BBS9: variants seen among roughly 807,000 people sequenced by gnomAD.
The protein encoded by BBS9 is Bardet-Biedl syndrome 9, also known as protein PTHB1.
BBS9 carries 89 observed loss-of-function variants against 117.7 expected under a neutral mutation model. The ratio of observed to expected loss-of-function variants is 0.76; its 90% CI spans 0.64 to 0.90. The LOEUF is 0.90. Among genes scored for constraint, BBS9 ranks in the 40% least tolerant of loss-of-function variants. The probability of loss-of-function intolerance (pLI) is 0.00; values close to 1 mark genes in which losing one functional copy is unlikely to be tolerated. For synonymous variants in BBS9, 379 were observed against 370.9 expected, an observed-to-expected ratio of 1.02 and a Z score of -0.25; for missense variants, 982 against 1,042.2, an observed-to-expected ratio of 0.94 and a Z score of 0.80.
At chr7:33,154,612 C>T (rs1192665017) in intron 3 of BBS9, among the ~76,000 whole-genome samples, 2 of 152,020 alleles carry the variant, frequency 1.3e-5, no homozygotes, top group Non-Finnish European at 2.9e-5. Context: ...ACTACAGGCA[C>T]GTGCCACCAT....
intron 21 of BBS9, among the ~76,000 whole-genome samples, chr7:33,611,082 C>T (rs1224598382): frequency 6.6e-6 from 1 of 151,940 alleles, no homozygotes; most frequent in African/African-American, 2.4e-5. Context: ...TTCATTGGCT[C>T]CAGGATCATC....
At chr7:33,401,971 T>C (rs1442126738) in intron 19 of BBS9, among the ~76,000 whole-genome samples, 3 of 152,170 alleles carry the variant, frequency 2.0e-5, no homozygotes, top group Admixed American at 1.3e-4. Flanking sequence ...AAGTAAGTCA[T>C]GTTATATAGA....
intron 5 of BBS9, among the ~76,000 whole-genome samples, chr7:33,219,977 G>C (rs1789919580): frequency 6.6e-6 from 1 of 152,156 alleles, no homozygotes; most frequent in African/African-American, 2.4e-5. Context: ...GAACCCACCA[G>C]AAGGAAGAAA....
chr7:33,342,843 G>A (rs536868330), intron 11 of BBS9, among the ~76,000 whole-genome samples: 1 of 152,238 alleles, frequency 6.6e-6, no homozygotes, highest in African/African-American at 2.4e-5. Context: ...TTCTAGATCT[G>A]TGGATAGCTA....
intron 21 of BBS9, among the ~76,000 whole-genome samples, chr7:33,626,599 T>G (rs1005964348): frequency 2.6e-5 from 4 of 152,162 alleles, no homozygotes; most frequent in African/African-American, 9.7e-5. Context: ...TGGTCTCAGA[T>G]AGAGGTGAGG....
chr7:33,502,159 C>T (rs1399328549), intron 19 of BBS9, among the ~76,000 whole-genome samples: 2 of 152,136 alleles, frequency 1.3e-5, no homozygotes, highest in African/African-American at 2.4e-5. Context: ...CTGCCCGCCT[C>T]GGCCTCCCAA....
At chr7:33,392,803 A>G (rs1305558023) in intron 19 of BBS9, among the ~76,000 whole-genome samples, 1 of 152,194 alleles carries the variant, frequency 6.6e-6, no homozygotes, top group African/African-American at 2.4e-5. Context: ...ACTCATAAGC[A>G]GTTGTAGTCT....
intron 19 of BBS9, among the ~76,000 whole-genome samples, chr7:33,465,342 A>G (rs1315678386): frequency 6.6e-6 from 1 of 151,498 alleles, no homozygotes; most frequent in African/African-American, 2.4e-5. Flanking sequence ...CCCAATGCAG[A>G]TCTCTTCTTG....
chr7:33,616,493 G>GTGTA (rs375605829), intron 21 of BBS9, among the ~76,000 whole-genome samples: 31 of 136,414 alleles, frequency 2.3e-4, no homozygotes, highest in South Asian at 1.6e-3. Flanking sequence ...GTGTGTGTGT[G>GTGTA]TATATATATA....
intron 19 of BBS9, among the ~76,000 whole-genome samples, chr7:33,394,538 C>G (rs1041163811): frequency 6.6e-6 from 1 of 152,020 alleles, no homozygotes; most frequent in African/African-American, 2.4e-5. Flanking sequence ...GCACATGTAC[C>G]CCTGAACTTA....
intron 20 of BBS9, among the ~76,000 whole-genome samples, chr7:33,528,155 A>T (rs1254122492): frequency 2.6e-5 from 4 of 152,080 alleles, no homozygotes; most frequent in African/African-American, 9.7e-5. Flanking sequence ...TGAAGAGGAA[A>T]TTTTTTTCCC....
chr7:33,537,031 A>G (rs1851552358), intron 21 of BBS9, among the ~76,000 whole-genome samples: 1 of 151,976 alleles, frequency 6.6e-6, no homozygotes, highest in African/African-American at 2.4e-5. Context: ...TTTTTTTTGC[A>G]GAGATGATCT....
chr7:33,230,809 C>T (rs1583762331), intron 5 of BBS9, among the ~76,000 whole-genome samples: 1 of 152,148 alleles, frequency 6.6e-6, no homozygotes, highest in African/African-American at 2.4e-5. Context: ...TTTTCTTTAT[C>T]CACTCATTAA....
At chr7:33,262,470 C>T (rs896566494) in intron 6 of BBS9, among the ~76,000 whole-genome samples, 18 of 152,126 alleles carry the variant, frequency 1.2e-4, no homozygotes, top group African/African-American at 3.9e-4. Context: ...CCAGCGCATA[C>T]TATTTCTGTT....
chr7:33,437,470 T>C (rs1404286951), intron 19 of BBS9, among the ~76,000 whole-genome samples: 1 of 152,228 alleles, frequency 6.6e-6, no homozygotes, highest in Non-Finnish European at 1.5e-5. Flanking sequence ...GAAAATTCTT[T>C]TGAATTTCAC....
At chr7:33,227,110 T>C (rs1372013437) in intron 5 of BBS9, among the ~76,000 whole-genome samples, 1 of 152,022 alleles carries the variant, frequency 6.6e-6, no homozygotes, top group Non-Finnish European at 1.5e-5. Context: ...CAAAAAGCTG[T>C]GTCAAGAATG....
intron 5 of BBS9, among the ~76,000 whole-genome samples, chr7:33,224,956 T>G (rs1192740466): frequency 2.0e-5 from 3 of 152,184 alleles, no homozygotes; most frequent in Non-Finnish European, 4.4e-5. Flanking sequence ...ATTTTTATTA[T>G]GTAACGGAAA....
At chr7:33,435,686 C>T (rs1835202154) in intron 19 of BBS9, among the ~76,000 whole-genome samples, 1 of 152,106 alleles carries the variant, frequency 6.6e-6, no homozygotes, top group Non-Finnish European at 1.5e-5. Flanking sequence ...CAGTTTGCCC[C>T]ATTTGCAGGA....
intron 21 of BBS9, among the ~76,000 whole-genome samples, chr7:33,628,050 C>T (rs1030777220): frequency 2.6e-5 from 4 of 152,068 alleles, no homozygotes; most frequent in Admixed American, 6.5e-5. Flanking sequence ...AATTTAAAAA[C>T]GTCTCAGATG....
Sources: gnomAD v4.1 joint callset for allele counts (sites outside exome capture counted in the v4.1 genomes callset) on GRCh38, gnomAD v4.1.1 for gene constraint, MANE v1.5 for transcripts, NCBI Gene and HGNC (gene_info 2026-07-23, HGNC 2026-07-21) for gene names.